The following CCSER1 variants were observed in gnomAD, a reference collection of about 807,000 sequenced individuals.
CCSER1 encodes coiled-coil serine rich protein 1.
A neutral mutation model predicts 82.0 loss-of-function variants in CCSER1; 41 were observed. The ratio of observed to expected loss-of-function variants is 0.50; its 90% confidence interval spans 0.39 to 0.65. The LOEUF is 0.65. Among genes scored for constraint, CCSER1 ranks in the 30% least tolerant of loss-of-function variants. The pLI, the probability that CCSER1 is intolerant of heterozygous loss-of-function variation, is 0.00. For missense variants in CCSER1, 1,119 were observed against 1,064.2 expected (o/e 1.05, Z -0.72); for synonymous variants, 414 against 383.9 (o/e 1.08, Z -0.92).
chr4:90,942,181 C>T (rs1206339033), intron 9 of CCSER1, among the ~76,000 whole-genome samples: 1 of 152,010 alleles, frequency 6.6e-6, no homozygotes, highest in Non-Finnish European at 1.5e-5. Flanking sequence ...AACTTGTGAG[C>T]TCAAGCGATC....
chr4:90,937,933 A>G (rs1034966641), intron 9 of CCSER1, among the ~76,000 whole-genome samples: 3 of 152,090 alleles, frequency 2.0e-5, no homozygotes, highest in Non-Finnish European at 2.9e-5. Context: ...TGTCCTATTG[A>G]TTATAACTTA....
intron 1 of CCSER1, among the ~76,000 whole-genome samples, chr4:90,220,050 G>A (rs1198626682): frequency 1.3e-5 from 2 of 152,052 alleles, no homozygotes; most frequent in African/African-American, 2.4e-5. Context: ...TCTGAAAATA[G>A]GTATGTATAG....
chr4:90,641,470 A>C (rs139507606), intron 6 of CCSER1, among the ~76,000 whole-genome samples: 765 of 152,254 alleles, frequency 5.0e-3, no homozygotes, highest in African/African-American at 0.018. Flanking sequence ...TTTCAAAATA[A>C]TTATGTATAC....
chr4:91,285,253 T>A (rs561017451), intron 10 of CCSER1, among the ~76,000 whole-genome samples: 1 of 151,670 alleles, frequency 6.6e-6, no homozygotes, highest in South Asian at 2.1e-4. Flanking sequence ...ATGGGTTTTT[T>A]TTTTTTTTTT....
chr4:90,180,383 G>A (rs1283743626), intron 1 of CCSER1, among the ~76,000 whole-genome samples: 1 of 151,994 alleles, frequency 6.6e-6, no homozygotes, highest in Non-Finnish European at 1.5e-5. Context: ...GAGGTCAGGA[G>A]TTCGAGACCA....
At chr4:90,354,144 A>G (rs537355309) in intron 3 of CCSER1, among the ~76,000 whole-genome samples, 1 of 152,324 alleles carries the variant, frequency 6.6e-6, no homozygotes, top group Non-Finnish European at 1.5e-5. Flanking sequence ...GCCATTTGCA[A>G]TCAATTGAGT....
At chr4:90,503,718 C>T (rs1260277096) in intron 5 of CCSER1, among the ~76,000 whole-genome samples, 1 of 152,106 alleles carries the variant, frequency 6.6e-6, no homozygotes, top group Non-Finnish European at 1.5e-5. Context: ...CAGCTTCATC[C>T]ATGTCCCTAC....
chr4:90,810,832 C>CT (rs375997127), intron 7 of CCSER1, among the ~76,000 whole-genome samples: 32,705 of 112,762 alleles, frequency 0.29, 6,689 homozygotes, highest in South Asian at 0.4. Context: ...AAGAGTAATT[C>CT]TTTTTTTTTT....
At chr4:91,442,142 A>G (rs1755208951) in intron 10 of CCSER1, among the ~76,000 whole-genome samples, 1 of 151,770 alleles carries the variant, frequency 6.6e-6, no homozygotes, top group African/African-American at 2.4e-5. Context: ...ATATGGAACC[A>G]AAAAAGAGCC....
At chr4:91,323,317 T>C (rs766101860) in intron 10 of CCSER1, among the ~76,000 whole-genome samples, 6 of 152,186 alleles carry the variant, frequency 3.9e-5, no homozygotes, top group Non-Finnish European at 7.4e-5. Flanking sequence ...TCATTTTAAA[T>C]GCAGATTCAT....
intron 9 of CCSER1, among the ~76,000 whole-genome samples, chr4:90,934,003 T>C (rs891406841): frequency 6.6e-6 from 1 of 151,788 alleles, no homozygotes; most frequent in Non-Finnish European, 1.5e-5. Context: ...AATTAAAGTC[T>C]TATCCTACAC....
intron 10 of CCSER1, among the ~76,000 whole-genome samples, chr4:91,482,958 C>A (rs946750406): frequency 2.7e-5 from 4 of 150,898 alleles, no homozygotes; most frequent in African/African-American, 4.9e-5. Context: ...GTGGGGGGAG[C>A]GGGGAGGGAT....
At chr4:91,449,368 G>A (rs982335502) in intron 10 of CCSER1, among the ~76,000 whole-genome samples, 11 of 152,032 alleles carry the variant, frequency 7.2e-5, no homozygotes, top group Admixed American at 5.9e-4. Context: ...TAATTTTGAA[G>A]TTAAAAATTT....
chr4:90,605,700 A>G (rs888042864), intron 5 of CCSER1, among the ~76,000 whole-genome samples: 34 of 152,228 alleles, frequency 2.2e-4, no homozygotes, highest in African/African-American at 8.0e-4. Context: ...GAATTAGAAT[A>G]AAATATGTGT....
intron 9 of CCSER1, among the ~76,000 whole-genome samples, chr4:91,027,587 T>C (rs1025187151): frequency 6.6e-6 from 1 of 152,018 alleles, no homozygotes; most frequent in Non-Finnish European, 1.5e-5. Context: ...TACCTGTCAT[T>C]CTCACAGCCC....
chr4:90,293,983 T>C (rs1371735272), intron 1 of CCSER1, among the ~76,000 whole-genome samples: 1 of 152,066 alleles, frequency 6.6e-6, no homozygotes, highest in African/African-American at 2.4e-5. Flanking sequence ...ATTAAAAAGA[T>C]TGTGAAAAAC....
At chr4:91,309,178 C>T (rs1205270616) in intron 10 of CCSER1, among the ~76,000 whole-genome samples, 1 of 151,980 alleles carries the variant, frequency 6.6e-6, no homozygotes, top group East Asian at 1.9e-4. Flanking sequence ...GATGATTACT[C>T]TATTCTAATT....
chr4:90,653,509 C>T (rs1307512371), intron 6 of CCSER1, among the ~76,000 whole-genome samples: 2 of 151,896 alleles, frequency 1.3e-5, no homozygotes, highest in African/African-American at 4.8e-5. Context: ...TTATGATAGA[C>T]ACCATGATAG....
Position 91,373,538 on chromosome 4 carries a change from A to C in CCSER1, c.2218-225034A>C, listed in dbSNP as rs563941706. On this transcript the variant is annotated intron_variant, in intron 10 of 10. Coordinates refer to ENST00000509176, the MANE Select transcript of CCSER1 (RefSeq NM_001145065.2). The stretch of plus-strand genomic sequence containing the variant: ...ATGTCTATAGAAGACAGCAAACTGA[A>C]TACATAAATGTTCTGTGGGTTTTGA... 3.7e-4 allele frequency among the ~76,000 whole-genome samples: 57 copies of C among 152,220 alleles called. No individual in the cohort carries two copies. In the South Asian group the frequency reaches 8.7e-3, roughly 23 times the overall value.
Sources: allele counts gnomAD v4.1 joint callset (sites outside exome capture counted in the v4.1 genomes callset), GRCh38; gene constraint gnomAD v4.1.1; transcripts MANE v1.5; gene names NCBI Gene and HGNC (gene_info 2026-07-23, HGNC 2026-07-21).